VAV2: variants seen among roughly 807,000 people sequenced by gnomAD.
The protein encoded by VAV2 is guanine nucleotide exchange factor VAV2.
VAV2 carries 67 observed loss-of-function variants against 132.5 expected under a neutral mutation model. The ratio of observed to expected loss-of-function variants is 0.51; its 90% confidence interval spans 0.42 to 0.62. The LOEUF (loss-of-function observed/expected upper bound fraction) is 0.62. Ranked by LOEUF, VAV2 falls within the 20% of genes least tolerant of loss-of-function variation. The pLI is 0.00. For synonymous variants in VAV2, 492 were observed against 443.5 expected, an observed-to-expected ratio of 1.11 and a Z score of -1.37; for missense variants, 938 against 1,153.6, an observed-to-expected ratio of 0.81 and a Z score of 2.71.
chr9:133,932,400 CA>C (rs766523036), intron 2 of VAV2, among the ~76,000 whole-genome samples: 15 of 152,234 alleles, frequency 9.9e-5, no homozygotes, highest in Non-Finnish European at 1.8e-4. Flanking sequence ...AAGCCGGACA[CA>C]ACTTATTTGA....
At chr9:133,899,583 T>C (rs1839357514) in intron 2 of VAV2, among the ~76,000 whole-genome samples, 1 of 151,246 alleles carries the variant, frequency 6.6e-6, no homozygotes, top group Non-Finnish European at 1.5e-5. Flanking sequence ...ACCCAGCTAA[T>C]TTTTGTAGTA....
intron 7 of VAV2, among the ~76,000 whole-genome samples, chr9:133,808,239 T>C (rs867984809): frequency 2.0e-5 from 3 of 152,094 alleles, no homozygotes; most frequent in Admixed American, 6.5e-5. Flanking sequence ...TGTACAGATG[T>C]GCGTGCAGAA....
At chr9:133,791,735 G>A (rs1209439311) in intron 13 of VAV2, 48 bp downstream of exon 13, 4 of 1,523,260 alleles carry the variant, frequency 2.6e-6, no homozygotes, top group Admixed American at 1.7e-5. Flanking sequence ...GACTTTATAG[G>A]TACGTCCTCA....
At position 133,770,370 on chromosome 9, in the gene VAV2, G is replaced by T. The variant is rs1045891752; in HGVS notation, c.2347+8C>A. 2 of 1,613,918 alleles carry T rather than the reference G, an allele frequency of 1.2e-6. No individual in the cohort carries two copies. The highest frequency in any genetic ancestry group is 1.7e-6 in the Non-Finnish European group (2 of 1,179,892). On this transcript the variant is annotated splice_region_variant and intron_variant, in intron 27 of 29. Transcript: ENST00000371850. Reference sequence around the variant, plus strand: ...AGTGCTGGTGTGCCGGCTGGGCCGGGGCGTTACCTGGGGACCGGCTGGAGG... The same window carrying T: ...AGTGCTGGTGTGCCGGCTGGGCCGGTGCGTTACCTGGGGACCGGCTGGAGG...
chr9:133,775,160 C>G, intron 24 of VAV2, 109 bp from the exon 25 acceptor site: 1 of 865,694 alleles, frequency 1.2e-6, no homozygotes, highest in Non-Finnish European at 1.8e-6. Context: ...CAGTCCTCAT[C>G]TGAGAGCTCA....
chr9:133,878,581 C>T (rs1838360199), intron 2 of VAV2, among the ~76,000 whole-genome samples: 1 of 152,170 alleles, frequency 6.6e-6, no homozygotes, highest in African/African-American at 2.4e-5. Context: ...ATGCAAGCCC[C>T]CACCTCCACC....
At chr9:133,841,814 GAT>G (rs1470531674) in intron 3 of VAV2, among the ~76,000 whole-genome samples, 1 of 152,218 alleles carries the variant, frequency 6.6e-6, no homozygotes, top group Non-Finnish European at 1.5e-5. Flanking sequence ...GACCAAGGGA[GAT>G]GGTGCATAAG....
At position 133,867,193 on chromosome 9, in the gene VAV2, C is replaced by T. The variant is rs190493985; in HGVS notation, c.322-5761G>A. The stretch of plus-strand genomic sequence containing the variant: ...GGGCAGGCGTCTGTCCACATAGGGT[C>T]CTCAGAGCAGGTCTGCAGCTGGGCA... On this transcript the variant is annotated intron_variant, in intron 2 of 29. Transcript: ENST00000371850. Among the ~76,000 whole-genome samples the T allele has an allele frequency of 2.0e-3, 295 of 146,474 alleles. 5 individuals carry two copies. Among genetic ancestry groups the T allele is most frequent in the African/African-American group, 7.0e-3 (284 of 40,438 alleles).
chr9:133,865,309 T>G (rs1443469302), intron 2 of VAV2, among the ~76,000 whole-genome samples: 1 of 152,212 alleles, frequency 6.6e-6, no homozygotes, highest in African/African-American at 2.4e-5. Flanking sequence ...CCCAGATGTC[T>G]AGCTATTCAC....
chr9:133,865,056 C>T (rs73662308), intron 2 of VAV2, among the ~76,000 whole-genome samples: 3,185 of 152,278 alleles, frequency 0.021, 114 homozygotes, highest in African/African-American at 0.072. Context: ...TAGGAAGCCT[C>T]AGTGCTCCCA....
Position 133,768,638 on chromosome 9 carries a change from G to A in VAV2, c.2435-42C>T. 6.3e-7 allele frequency: 1 copy of A among 1,595,600 alleles called. No homozygotes were observed. Among genetic ancestry groups the A allele is most frequent in the Non-Finnish European group, 8.5e-7 (1 of 1,171,316 alleles). ...GCAGCATCACACAGCTGCAGGAGGAGCCCAACCAGTGATCCAGGAGGCCCT... is the reference window on the plus strand; with the variant it reads ...GCAGCATCACACAGCTGCAGGAGGAACCCAACCAGTGATCCAGGAGGCCCT... On this transcript the variant is annotated intron_variant, in intron 28 of 29. Coordinates refer to ENST00000371850, the MANE Select transcript of VAV2 (RefSeq NM_001134398.2). The surrounding 1 kb of genome is among the most constrained non-coding windows in gnomAD (Gnocchi z 5.3).
chr9:133,985,407 G>A (rs1320276201), intron 1 of VAV2, among the ~76,000 whole-genome samples: 7 of 151,984 alleles, frequency 4.6e-5, no homozygotes, highest in East Asian at 3.8e-4. Flanking sequence ...TCAGCCTCCC[G>A]AGTAGCTGGA....
intron 3 of VAV2, among the ~76,000 whole-genome samples, chr9:133,841,139 C>T (rs552329448): frequency 1.3e-5 from 2 of 152,070 alleles, no homozygotes; most frequent in South Asian, 2.1e-4. Flanking sequence ...GGGACGAGCC[C>T]GGACAGCTCA....
chr9:133,900,034 A>T (rs1478740935), intron 2 of VAV2, among the ~76,000 whole-genome samples: 1 of 149,658 alleles, frequency 6.7e-6, no homozygotes, highest in African/African-American at 2.4e-5. Flanking sequence ...AAAAATAAAT[A>T]AATAAATAAA....
At chr9:133,853,941 G>A (rs1837283674) in intron 3 of VAV2, among the ~76,000 whole-genome samples, 1 of 152,150 alleles carries the variant, frequency 6.6e-6, no homozygotes, top group South Asian at 2.1e-4. Flanking sequence ...CTGGGATACA[G>A]AATGAGCAAG....
At chr9:133,859,322 G>A (rs970677806) in intron 3 of VAV2, among the ~76,000 whole-genome samples, 2 of 152,336 alleles carry the variant, frequency 1.3e-5, no homozygotes, top group East Asian at 1.9e-4. Context: ...CAGCGGCATC[G>A]AGAGCCTGAC....
intron 1 of VAV2, among the ~76,000 whole-genome samples, chr9:133,960,986 T>C (rs2519807): frequency 0.65 from 99,414 of 152,036 alleles, 32,704 homozygotes; most frequent in East Asian, 0.79. Context: ...TGGAGAGGAA[T>C]GGTGACCACA....
In VAV2 at chr9:133,835,215, G is replaced by A. The variant is rs543727981; in HGVS notation, c.381-875C>T. Among the ~76,000 whole-genome samples the A allele has an allele frequency of 2.2e-4, 33 of 152,272 alleles. No homozygotes were observed. The South Asian group carries it at 2.5e-3, about 11-fold the overall frequency. The stretch of plus-strand genomic sequence containing the variant: ...TCATAAACCAGCTCAAGAACCTGGA[G>A]GGGTGGAAGGAAGCGCTTTTTCCTC... On this transcript the variant is annotated intron_variant, in intron 3 of 29. Coordinates refer to ENST00000371850, the MANE Select transcript of VAV2 (RefSeq NM_001134398.2).
Position 133,840,284 on chromosome 9 carries a change from A to G in VAV2, c.381-5944T>C, listed in dbSNP as rs1192065780. Among the ~76,000 whole-genome samples, 2 of 152,170 alleles carry G rather than the reference A, an allele frequency of 1.3e-5. No individual in the cohort carries two copies. Among genetic ancestry groups the G allele is most frequent in the African/African-American group, 2.4e-5 (1 of 41,440 alleles). On this transcript the variant is annotated intron_variant, in intron 3 of 29. Coordinates refer to ENST00000371850, the MANE Select transcript of VAV2 (RefSeq NM_001134398.2). The surrounding 1 kb of genome is among the most constrained non-coding windows in gnomAD (Gnocchi z 4.5). ...CTGCACCGCCGAGGGGACGAAGCAG[A>G]TGTCCGCACAGGAAGCAGAGAAGCC... is the stretch of plus-strand genomic sequence containing the variant.
Sources: gnomAD v4.1 joint callset for allele counts (sites outside exome capture counted in the v4.1 genomes callset) on GRCh38, gnomAD v4.1.1 for gene constraint, Gnocchi (gnomAD v3.1) non-coding constraint, MANE v1.5 for transcripts, NCBI Gene and HGNC (gene_info 2026-07-23, HGNC 2026-07-21) for gene names.